The following PROX1 variants were observed in gnomAD, a reference collection of about 807,000 sequenced individuals.
PROX1 encodes the protein prospero homeobox protein 1.
In PROX1, 7 loss-of-function variants were observed where a neutral mutation model predicts 58.8. The ratio of observed to expected loss-of-function variants is 0.12; its 90% CI spans 0.07 to 0.22. The LOEUF (loss-of-function observed/expected upper bound fraction) is 0.22. Among genes scored for constraint, PROX1 ranks in the 10% least tolerant of loss-of-function variants. The pLI is 1.00. For missense variants in PROX1, 675 were observed against 927.8 expected, an observed-to-expected ratio of 0.73 and a Z score of 3.54; for synonymous variants, 350 against 358.3, an observed-to-expected ratio of 0.98 and a Z score of 0.26.
At chr1:213,991,432 A>T (rs183616137) in intron 1 of PROX1, among the ~76,000 whole-genome samples, 14 of 152,304 alleles carry the variant, frequency 9.2e-5, no homozygotes, top group Non-Finnish European at 1.6e-4. Flanking sequence ...CCAAACACAC[A>T]CACACACACC....
chr1:214,001,401 C>G (rs1663504804), intron 2 of PROX1, among the ~76,000 whole-genome samples: 1 of 152,282 alleles, frequency 6.6e-6, no homozygotes, highest in South Asian at 2.1e-4. Flanking sequence ...CCAAAAGAAA[C>G]AGTCAGCCAA....
chr1:214,032,973 C>T (rs1201835296), intron 4 of PROX1, among the ~76,000 whole-genome samples: 1 of 152,160 alleles, frequency 6.6e-6, no homozygotes, highest in Non-Finnish European at 1.5e-5. Context: ...AAAGAAGTTG[C>T]CTTGTTCTCA....
chr1:213,990,718 T>C (rs1663005279), intron 1 of PROX1, among the ~76,000 whole-genome samples: 1 of 143,246 alleles, frequency 7.0e-6, no homozygotes, highest in South Asian at 2.2e-4. Flanking sequence ...GTGTGTGGTG[T>C]ATGCTTTGGA....
At position 214,036,705 on chromosome 1, in the gene PROX1, T is replaced by C. The variant is rs1208980520; in HGVS notation, c.*871T>C. 6.6e-6 allele frequency: 1 copy of C among 152,238 alleles called. No individual in the cohort carries two copies. Among genetic ancestry groups the C allele is most frequent in the African/African-American group, 2.4e-5 (1 of 41,454 alleles). 9.4% of individuals were successfully genotyped at this position (152,238 alleles called of 1,614,324 possible). On this transcript the variant is annotated 3_prime_UTR_variant, in exon 5 of 5. Coordinates refer to ENST00000366958, the MANE Select transcript of PROX1 (RefSeq NM_001270616.2). Reference sequence around the variant, plus strand: ...GTTTCCAATTTACGCTGCTCAACTTTGTTTATATGCTTAAAAGGATTCTGT... The same window carrying C: ...GTTTCCAATTTACGCTGCTCAACTTCGTTTATATGCTTAAAAGGATTCTGT...
chr1:213,987,253 G>A (rs1419765265), upstream of PROX1, among the ~76,000 whole-genome samples: 1 of 152,058 alleles, frequency 6.6e-6, no homozygotes. Context: ...CAGATGCAGC[G>A]GACCCGATGT....
chr1:213,997,402 G>T lies in PROX1; in HGVS notation c.867G>T (p.Gln289His). The T allele has an allele frequency of 3.1e-6, 5 of 1,614,090 alleles. No individual in the cohort carries two copies. The highest frequency in any genetic ancestry group is 4.2e-6 in the Non-Finnish European group (5 of 1,180,018). Residue 289 changes from glutamine (Q) to histidine (H), a missense_variant, in exon 2 of 5, where the codon CAG becomes CAT. Gln to His is a conservative substitution (Grantham distance 24). Coordinates refer to ENST00000366958, the MANE Select transcript of PROX1 (RefSeq NM_001270616.2). This position sits in a 1 kb window ranked among gnomAD's most constrained non-coding sequence, Gnocchi z 7.1. ...CGGAGATCCTGGATGCCAGGGCCCAGGACTCTGTCGGAAGGTCAGATAATG... is the reference window on the plus strand; with the variant it reads ...CGGAGATCCTGGATGCCAGGGCCCATGACTCTGTCGGAAGGTCAGATAATG... ...MRSEILDARA[Q>H]DSVGRSDNEM...
At chr1:214,002,405 C>CT (rs1558173747) in intron 2 of PROX1, among the ~76,000 whole-genome samples, 3 of 121,530 alleles carry the variant, frequency 2.5e-5, no homozygotes, top group African/African-American at 9.8e-5. Context: ...TTTTTTTTTT[C>CT]TTTTTTCTTT....
At chr1:213,991,492 T>C (rs1289881410) in intron 1 of PROX1, among the ~76,000 whole-genome samples, 1 of 152,232 alleles carries the variant, frequency 6.6e-6, no homozygotes, top group African/African-American at 2.4e-5. Flanking sequence ...TAAAATGTCA[T>C]CTATGCCTAT....
At chr1:214,028,297 T>C (rs1039433114) in intron 4 of PROX1, among the ~76,000 whole-genome samples, 3 of 152,206 alleles carry the variant, frequency 2.0e-5, no homozygotes, top group Non-Finnish European at 4.4e-5. Context: ...ACTCTAAATA[T>C]AACATCTTGC....
At chr1:214,028,668 A>G (rs2102770535) in intron 4 of PROX1, among the ~76,000 whole-genome samples, 1 of 152,284 alleles carries the variant, frequency 6.6e-6, no homozygotes, top group South Asian at 2.1e-4. Flanking sequence ...TGCTTCCCAA[A>G]GTGCATTCAT....
At position 213,988,418 on chromosome 1, in the gene PROX1, GAGAGAGAT is replaced by G. The variant is rs1007035184; in HGVS notation, c.-125_-118del. ...TCTGCCGGGGGAAAAAAAAGAGAGA[GAGAGAGAT>G]AGAGAGAGAGAGAGAGAGAGAGAGA... On this transcript the variant is annotated 5_prime_UTR_variant, in exon 1 of 5. Transcript: ENST00000366958. 5.4e-5 allele frequency: 8 copies of G among 147,884 alleles called. No homozygotes were observed. The highest frequency in any genetic ancestry group is 1.2e-4 in the Non-Finnish European group (8 of 67,254). 9.2% of individuals were successfully genotyped at this position (147,884 alleles called of 1,614,324 possible). A position where few individuals can be genotyped will look rare whatever the true frequency, so the allele number is the denominator to read the frequency against.
chr1:213,990,688 GT>G (rs1297560660), intron 1 of PROX1, among the ~76,000 whole-genome samples: 30 of 149,544 alleles, frequency 2.0e-4, no homozygotes, highest in Non-Finnish European at 2.2e-4. Context: ...GTGTGTGTGT[GT>G]GTGTGTGTGT....
chr1:214,008,509 C>T (rs1407395230), intron 3 of PROX1, among the ~76,000 whole-genome samples: 1 of 152,078 alleles, frequency 6.6e-6, no homozygotes, highest in Middle Eastern at 3.2e-3. Flanking sequence ...ATCAAAGCCA[C>T]ACTTGGAGGA....
intron 4 of PROX1, among the ~76,000 whole-genome samples, chr1:214,020,790 T>C: frequency 6.6e-6 from 1 of 152,246 alleles, no homozygotes; most frequent in Non-Finnish European, 1.5e-5. Flanking sequence ...CATAAGATTT[T>C]AGTTTTCAGG....
chr1:213,998,881 T>C (rs1663388327), intron 2 of PROX1, among the ~76,000 whole-genome samples: 1 of 152,166 alleles, frequency 6.6e-6, no homozygotes, highest in African/African-American at 2.4e-5. Flanking sequence ...AGACTTTTTT[T>C]TTTAAGGAAA....
At chr1:213,983,908 C>A (rs1223401999), upstream of PROX1, 2 of 152,384 alleles carry the variant, frequency 1.3e-5, no homozygotes, top group African/African-American at 4.8e-5. Context: ...TCAGGGAGCA[C>A]CCCTCGGAAG....
intron 4 of PROX1, among the ~76,000 whole-genome samples, chr1:214,022,607 C>T (rs1664319921): frequency 6.6e-6 from 1 of 152,200 alleles, no homozygotes; most frequent in Admixed American, 6.5e-5. Context: ...TCATCCGTTC[C>T]AGATGAGAAG....
chr1:214,036,947 AACTC>A lies in PROX1; in HGVS notation c.*1115_*1118del, dbSNP rs1416434847. The A allele has an allele frequency of 6.6e-6, 1 of 152,256 alleles. No homozygotes were observed. The highest frequency in any genetic ancestry group is 2.4e-5 in the African/African-American group (1 of 41,478). The allele number at this position is 152,256 out of a possible 1,614,324, so 9.4% of individuals were successfully genotyped here. ...TGGGTATGCAAAGTGGTGACAGTCT[AACTC>A]AGTGTTTCTTCATTTTAGGTATAAC... On this transcript the variant is annotated 3_prime_UTR_variant, in exon 5 of 5. Transcript: ENST00000366958.
chr1:214,024,123 T>C (rs943447623), intron 4 of PROX1, among the ~76,000 whole-genome samples: 9 of 152,164 alleles, frequency 5.9e-5, no homozygotes, highest in African/African-American at 2.2e-4. Flanking sequence ...AAACATTACC[T>C]CAAGTCCCAT....
Sources: gnomAD v4.1 joint callset for allele counts (sites outside exome capture counted in the v4.1 genomes callset) on GRCh38, gnomAD v4.1.1 for gene constraint, Gnocchi (gnomAD v3.1) non-coding constraint, MANE v1.5 for transcripts, NCBI Gene and HGNC (gene_info 2026-07-23, HGNC 2026-07-21) for gene names.